The following MPRIP variants were observed in gnomAD, a reference collection of about 807,000 sequenced individuals.
MPRIP encodes the protein myosin phosphatase Rho-interacting protein.
Under a neutral mutation model 234.9 loss-of-function variants are expected in MPRIP, and 59 were observed. The ratio of observed to expected loss-of-function variants is 0.25; its 90% CI spans 0.20 to 0.31. The LOEUF (loss-of-function observed/expected upper bound fraction) is 0.31. Among genes scored for constraint, MPRIP ranks in the 10% least tolerant of loss-of-function variants. MPRIP has a pLI of 1.00. For synonymous variants in MPRIP, 1,144 were observed against 1,263.9 expected (o/e 0.91, Z 2.01); for missense variants, 2,436 against 3,071.0 (o/e 0.79, Z 4.89).
At chr17:17,150,363 C>G (rs1261112126) in intron 12 of MPRIP, 130 bp downstream of exon 12, 7 of 659,390 alleles carry the variant, frequency 1.1e-5, no homozygotes, top group African/African-American at 1.8e-5. Flanking sequence ...CTTAGTCTTT[C>G]CCACTACCCT....
rs2045972484 is a variant in MPRIP at position 17,165,693 on chromosome 17, A to G, written c.4102A>G (p.Ser1368Gly). The G allele has an allele frequency of 6.9e-6, 9 of 1,304,932 alleles. No homozygotes were observed. The highest frequency in any genetic ancestry group is 2.3e-5 in the Admixed American group (1 of 43,556). The allele number at this position is 1,304,932 out of a possible 1,614,324, so 80.8% of individuals were successfully genotyped here. The change falls in exon 16 of 24, where the codon AGT becomes GGT. Residue 1368 changes from serine to glycine, a missense_variant. Coordinates refer to ENST00000651222, the MANE Select transcript of MPRIP (RefSeq NM_001364716.4). ...AAGCATGTCCTCAGAGCCTGCACCC[A>G]GTGTACTGCCTGCAACTGGCGACTC... The part of the protein sequence containing the change: ...EESMSSEPAP[S>G]VLPATGDSDT...
intron 1 of MPRIP, among the ~76,000 whole-genome samples, chr17:17,062,466 T>G (rs1005183991): frequency 6.6e-6 from 1 of 152,256 alleles, no homozygotes; most frequent in Non-Finnish European, 1.5e-5. Context: ...ACATGTGTTA[T>G]AAACAGAACT....
intron 1 of MPRIP, among the ~76,000 whole-genome samples, chr17:17,046,917 C>T (rs963087361): frequency 1.3e-5 from 2 of 152,202 alleles, no homozygotes; most frequent in African/African-American, 2.4e-5. Flanking sequence ...GTGGCTCATG[C>T]CTGTAATCCC....
Position 17,067,790 on chromosome 17 carries a change from C to CTTT in MPRIP, c.124-7898_124-7896dup, listed in dbSNP as rs35187618. On this transcript the variant is annotated intron_variant, in intron 1 of 23. Transcript: ENST00000651222. Reference sequence around the variant, plus strand: ...GTGTTTCTTCTTCTTCTTCTTCTTCCTTTTTTTTTTTTTTTTTTTTTTTTA... The same window carrying CTTT: ...GTGTTTCTTCTTCTTCTTCTTCTTCCTTTTTTTTTTTTTTTTTTTTTTTTTTTA... Among the ~76,000 whole-genome samples the CTTT allele has an allele frequency of 2.2e-3, 167 of 76,722 alleles. 2 individuals carry two copies. The highest frequency in any genetic ancestry group is 6.3e-3 in the East Asian group (14 of 2,210). The allele number at this position is 76,722 out of a possible 152,430, so 50.3% of individuals were successfully genotyped here. A position where few individuals can be genotyped will look rare whatever the true frequency, so the allele number is the denominator to read the frequency against.
At chr17:17,062,997 G>A (rs903258225) in intron 1 of MPRIP, among the ~76,000 whole-genome samples, 2 of 152,220 alleles carry the variant, frequency 1.3e-5, no homozygotes, top group South Asian at 2.1e-4. Context: ...ACTTGGACTC[G>A]AGAAAGGAGA....
intron 3 of MPRIP, among the ~76,000 whole-genome samples, chr17:17,086,832 C>T (rs183598221): frequency 2.0e-5 from 3 of 152,298 alleles, no homozygotes; most frequent in Non-Finnish European, 4.4e-5. Flanking sequence ...TCGGAGCATT[C>T]TCTGTACCTC....
Position 17,143,025 on chromosome 17 carries a change from G to C in MPRIP, c.1389+260G>C, listed in dbSNP as rs190115039. Among the ~76,000 whole-genome samples the C allele has an allele frequency of 7.2e-5, 11 of 152,256 alleles. No individual in the cohort carries two copies. The East Asian group carries it at 2.1e-3, about 29-fold the overall frequency. On this transcript the variant is annotated intron_variant, in intron 8 of 23. Coordinates refer to ENST00000651222, the MANE Select transcript of MPRIP (RefSeq NM_001364716.4). ...AATTAGGATCACTCTCTTCCTATCT[G>C]AGACAGCCCAGCAACAAGGCTGAAT...
intron 1 of MPRIP, among the ~76,000 whole-genome samples, chr17:17,063,305 G>T (rs2088922134): frequency 6.6e-6 from 1 of 152,212 alleles, no homozygotes; most frequent in South Asian, 2.1e-4. Flanking sequence ...GCCCAACTTT[G>T]TACTGGGTGC....
intron 23 of MPRIP, among the ~76,000 whole-genome samples, chr17:17,180,985 C>T (rs547965651): frequency 2.6e-5 from 4 of 152,298 alleles, no homozygotes; most frequent in Admixed American, 2.0e-4. Flanking sequence ...CCCTCTGTCA[C>T]GAGGTGGAAT....
At chr17:17,114,863 G>A (rs7217359) in intron 3 of MPRIP, among the ~76,000 whole-genome samples, 104,548 of 152,224 alleles carry the variant, frequency 0.69, 36,251 homozygotes, top group East Asian at 0.77. Context: ...CCAGCCTGGC[G>A]TAGCAGGTGT....
chr17:17,183,616 C>T (rs571485388), intron 23 of MPRIP, among the ~76,000 whole-genome samples: 1 of 152,318 alleles, frequency 6.6e-6, no homozygotes, highest in African/African-American at 2.4e-5. Context: ...ATATAGCAAA[C>T]AAGCAGGTCT....
chr17:17,109,648 A>G (rs1036093998), intron 3 of MPRIP, among the ~76,000 whole-genome samples: 4 of 152,220 alleles, frequency 2.6e-5, no homozygotes, highest in African/African-American at 9.7e-5. Flanking sequence ...AGGGCCTAGA[A>G]GCTGTGAGAC....
At chr17:17,174,329 C>T (rs1288919884) in intron 19 of MPRIP, among the ~76,000 whole-genome samples, 1 of 152,258 alleles carries the variant, frequency 6.6e-6, no homozygotes, top group Non-Finnish European at 1.5e-5. Flanking sequence ...CCTGCTTACA[C>T]ATGACATCAC....
At chr17:17,109,188 GC>G (rs1337023566) in intron 3 of MPRIP, among the ~76,000 whole-genome samples, 7 of 152,198 alleles carry the variant, frequency 4.6e-5, no homozygotes, top group Non-Finnish European at 8.8e-5. Flanking sequence ...TCTGCCCACT[GC>G]TGAGCTCGTG....
At position 17,126,860 on chromosome 17, in the gene MPRIP, A is replaced by G. The variant is rs769533133; in HGVS notation, c.419+7A>G. The G allele has an allele frequency of 6.2e-7, 1 of 1,612,090 alleles. No individual in the cohort carries two copies. Among genetic ancestry groups the G allele is most frequent in the Non-Finnish European group, 8.5e-7 (1 of 1,178,834 alleles). Reference sequence around the variant, plus strand: ...CCAAGGAGATCGTCAGTGGGTGAGTATGCTGGCACTGTGGAACAAGGCACC... The same window carrying G: ...CCAAGGAGATCGTCAGTGGGTGAGTGTGCTGGCACTGTGGAACAAGGCACC... On this transcript the variant is annotated splice_region_variant and intron_variant, in intron 4 of 23. Transcript: ENST00000651222.
chr17:17,186,473 G>A lies in MPRIP; in HGVS notation c.*1579G>A, dbSNP rs1169073023. The stretch of plus-strand genomic sequence containing the variant: ...CACTGGCATCGAGCCCTTTCCACAA[G>A]TTTTTAAGGCTCTTAACCCACACTT... On this transcript the variant is annotated 3_prime_UTR_variant, in exon 24 of 24. Coordinates refer to ENST00000651222, the MANE Select transcript of MPRIP (RefSeq NM_001364716.4). The A allele has an allele frequency of 1.3e-5, 2 of 152,176 alleles. No homozygotes were observed. The highest frequency in any genetic ancestry group is 1.3e-4 in the Admixed American group (2 of 15,274). The allele number at this position is 152,176 out of a possible 1,614,324, so 9.4% of individuals were successfully genotyped here. A position where few individuals can be genotyped will look rare whatever the true frequency, so the allele number is the denominator to read the frequency against.
At chr17:17,045,068 A>G (rs773618646) in intron 1 of MPRIP, among the ~76,000 whole-genome samples, 27 of 152,130 alleles carry the variant, frequency 1.8e-4, no homozygotes, top group Non-Finnish European at 3.2e-4. Context: ...GCTCCATTAG[A>G]AAACCTCAAC....
chr17:17,054,362 A>G (rs1597720577), intron 1 of MPRIP, among the ~76,000 whole-genome samples: 1 of 152,236 alleles, frequency 6.6e-6, no homozygotes, highest in African/African-American at 2.4e-5. Flanking sequence ...TTGTGTGATT[A>G]TCGTAGACTT....
intron 1 of MPRIP, among the ~76,000 whole-genome samples, chr17:17,060,901 G>A (rs1178551946): frequency 6.6e-6 from 1 of 152,226 alleles, no homozygotes; most frequent in Non-Finnish European, 1.5e-5. Flanking sequence ...AGGACTCAAG[G>A]CCCCATGGAC....
Sources: gnomAD v4.1 joint callset for allele counts (sites outside exome capture counted in the v4.1 genomes callset) on GRCh38, gnomAD v4.1.1 for gene constraint, MANE v1.5 for transcripts, NCBI Gene and HGNC (gene_info 2026-07-23, HGNC 2026-07-21) for gene names.